MYOZ2: variants seen among roughly 807,000 people sequenced by gnomAD.
MYOZ2 encodes myozenin-2.
A neutral mutation model predicts 25.4 loss-of-function variants in MYOZ2; 19 were observed. The observed-to-expected ratio is 0.75, with a 90% CI of 0.52 to 1.10. The LOEUF is 1.10. Ranked by LOEUF, MYOZ2 falls within the 50% of genes least tolerant of loss-of-function variation. The pLI, the probability that MYOZ2 is intolerant of heterozygous loss-of-function variation, is 0.00. For missense variants in MYOZ2, 270 were observed against 317.9 expected (o/e 0.85, Z 1.15); for synonymous variants, 92 against 106.9 (o/e 0.86, Z 0.86).
intron 5 of MYOZ2, among the ~76,000 whole-genome samples, chr4:119,165,583 A>C (rs1450991122): frequency 6.6e-6 from 1 of 152,168 alleles, no homozygotes; most frequent in Admixed American, 6.5e-5. Flanking sequence ...GCACACTACC[A>C]TTATTAGTAA....
intron 2 of MYOZ2, among the ~76,000 whole-genome samples, chr4:119,142,682 C>T (rs1741183072): frequency 6.6e-6 from 1 of 152,184 alleles, no homozygotes; most frequent in Admixed American, 6.5e-5. Context: ...ACTAGAGAGC[C>T]AGACAAAGCT....
chr4:119,136,091 A>G (rs139921597), intron 1 of MYOZ2, 109 bp downstream of exon 1: 1 of 201,800 alleles, frequency 5.0e-6, no homozygotes, highest in East Asian at 1.3e-4. Flanking sequence ...TGTTGCCAAT[A>G]TTAAAATGCT....
rs138528046 is a variant in MYOZ2 at position 119,163,396 on chromosome 4, A to G, written c.377-815A>G. Reference sequence around the variant, plus strand: ...TGGAAGAGAGAATTGCAGGGATATAACTAGGTAATATGGCAGTGTAAACAG... The same window carrying G: ...TGGAAGAGAGAATTGCAGGGATATAGCTAGGTAATATGGCAGTGTAAACAG... On this transcript the variant is annotated intron_variant, in intron 4 of 5. Coordinates refer to ENST00000307128, the MANE Select transcript of MYOZ2 (RefSeq NM_016599.5). 3.3e-3 allele frequency among the ~76,000 whole-genome samples: 510 copies of G among 152,308 alleles called. 1 individual carries two copies. Among genetic ancestry groups the G allele is most frequent in the Middle Eastern group, 3.4e-3 (1 of 294 alleles).
intron 4 of MYOZ2, 73 bp from the exon 5 acceptor site, chr4:119,164,138 T>A: frequency 7.2e-7 from 1 of 1,391,496 alleles, no homozygotes. Context: ...AAATCAAACA[T>A]GGTAAAATGT....
intron 5 of MYOZ2, among the ~76,000 whole-genome samples, chr4:119,178,320 C>G (rs1409820251): frequency 6.6e-6 from 1 of 152,146 alleles, no homozygotes; most frequent in Non-Finnish European, 1.5e-5. Flanking sequence ...GTTCTAATAT[C>G]ACCTGTGTGC....
chr4:119,142,700 A>C (rs1459843712), intron 2 of MYOZ2, among the ~76,000 whole-genome samples: 1 of 152,232 alleles, frequency 6.6e-6, no homozygotes, highest in East Asian at 1.9e-4. Flanking sequence ...GCTGTTCTGC[A>C]TTGCATTAGG....
intron 5 of MYOZ2, 103 bp from the exon 6 acceptor site, chr4:119,185,863 T>C (rs935641761): frequency 1.1e-6 from 1 of 924,154 alleles, no homozygotes. Context: ...AATAATGAAT[T>C]AAATACACCC....
chr4:119,151,948 T>C (rs919953382), intron 3 of MYOZ2, among the ~76,000 whole-genome samples: 2 of 152,144 alleles, frequency 1.3e-5, no homozygotes, highest in Non-Finnish European at 2.9e-5. Flanking sequence ...ACAGACTAAT[T>C]TCCCTGATTT....
intron 2 of MYOZ2, among the ~76,000 whole-genome samples, chr4:119,145,506 CTGTGTG>C (rs200111377): frequency 0.23 from 29,597 of 127,896 alleles, 3,315 homozygotes; most frequent in South Asian, 0.28. Context: ...CCAGCTAAAA[CTGTGTG>C]TGTGTGTGTG....
chr4:119,152,054 G>GT (rs1181783262), intron 3 of MYOZ2, among the ~76,000 whole-genome samples: 1 of 151,902 alleles, frequency 6.6e-6, no homozygotes, highest in Non-Finnish European at 1.5e-5. Flanking sequence ...TCCTTGTTAT[G>GT]TTTTTTGTTA....
chr4:119,165,516 TAATA>T (rs924109730), intron 5 of MYOZ2, among the ~76,000 whole-genome samples: 2 of 151,800 alleles, frequency 1.3e-5, no homozygotes, highest in African/African-American at 4.8e-5. Context: ...TCTCAAAAAA[TAATA>T]AATAAATAAA....
intron 4 of MYOZ2, among the ~76,000 whole-genome samples, chr4:119,159,440 C>G (rs1741657337): frequency 6.6e-6 from 1 of 152,118 alleles, no homozygotes; most frequent in African/African-American, 2.4e-5. Flanking sequence ...AAAAGAGAAT[C>G]AACTCCTTAT....
intron 2 of MYOZ2, among the ~76,000 whole-genome samples, chr4:119,146,285 T>A (rs1450851294): frequency 6.6e-6 from 1 of 151,902 alleles, no homozygotes; most frequent in African/African-American, 2.4e-5. Flanking sequence ...ATTTTGTTCA[T>A]CTTTTTTTTT....
chr4:119,162,286 G>A lies in MYOZ2; in HGVS notation c.377-1925G>A, dbSNP rs145458051. On this transcript the variant is annotated intron_variant, in intron 4 of 5. Coordinates refer to ENST00000307128, the MANE Select transcript of MYOZ2 (RefSeq NM_016599.5). The stretch of plus-strand genomic sequence containing the variant: ...AAGAGTGTGAAAGGAGAAAGCAGGC[G>A]GTGAGGCTGGACGGGCTTAAGGGCC... 4.6e-3 allele frequency among the ~76,000 whole-genome samples: 695 copies of A among 152,260 alleles called. 2 individuals carry two copies. The highest frequency in any genetic ancestry group is 7.6e-3 in the Non-Finnish European group (517 of 67,998).
chr4:119,138,992 A>T (rs534282430), intron 2 of MYOZ2, among the ~76,000 whole-genome samples: 5 of 152,162 alleles, frequency 3.3e-5, no homozygotes, highest in Non-Finnish European at 7.4e-5. Context: ...AAGAATTATT[A>T]AAAAATTCTC....
chr4:119,141,350 G>C (rs192026363), intron 2 of MYOZ2, among the ~76,000 whole-genome samples: 1 of 152,176 alleles, frequency 6.6e-6, no homozygotes, highest in African/African-American at 2.4e-5. Context: ...ACACCAATAA[G>C]AAAGTACACC....
chr4:119,155,171 G>A (rs963989067), intron 3 of MYOZ2, among the ~76,000 whole-genome samples: 3 of 152,180 alleles, frequency 2.0e-5, no homozygotes, highest in Admixed American at 6.5e-5. Flanking sequence ...TTACTGCGAG[G>A]ATGGCACCAA....
At chr4:119,174,137 A>G (rs1217269088) in intron 5 of MYOZ2, among the ~76,000 whole-genome samples, 1 of 152,172 alleles carries the variant, frequency 6.6e-6, no homozygotes, top group Non-Finnish European at 1.5e-5. Context: ...CACTGCGCCC[A>G]GTCCCATCGA....
In MYOZ2 at chr4:119,136,590, T is replaced by C; in HGVS notation, c.65T>C (p.Val22Ala). The change falls in exon 2 of 6, where the codon GTC becomes GCC. Residue 22 changes from valine (V) to alanine (A), a missense_variant. By Grantham distance (64) the Val-to-Ala change is moderately conservative. Coordinates refer to ENST00000307128, the MANE Select transcript of MYOZ2 (RefSeq NM_016599.5). ...CAAGCAACAGCCATCATGAAGGAAG[T>C]CCATGGAAATGGTATCAATAAAAAT... The part of the protein sequence containing the change: ...KQQATAIMKE[V>A]HGNDVDGMDL... The C allele has an allele frequency of 1.2e-6, 2 of 1,613,076 alleles. No individual in the cohort carries two copies. The highest frequency in any genetic ancestry group is 1.7e-6 in the Non-Finnish European group (2 of 1,179,252).
Sources: allele counts gnomAD v4.1 joint callset (sites outside exome capture counted in the v4.1 genomes callset), GRCh38; gene constraint gnomAD v4.1.1; transcripts MANE v1.5; gene names NCBI Gene and HGNC (gene_info 2026-07-23, HGNC 2026-07-21).